Variants in ROBO2 observed in about 807,000 individuals in gnomAD.
ROBO2 encodes roundabout homolog 2.
Under a neutral mutation model 160.8 loss-of-function variants are expected in ROBO2, and 53 were observed. The ratio of observed to expected loss-of-function variants is 0.33; its 90% CI spans 0.26 to 0.41. The LOEUF (loss-of-function observed/expected upper bound fraction) is 0.41, where lower values mean the gene tolerates loss of function less well. ROBO2 is among the 10% of genes least tolerant of loss of function. The pLI is 1.00. For missense variants in ROBO2, 1,577 were observed against 1,722.4 expected (o/e 0.92, Z 1.49); for synonymous variants, 664 against 611.7 (o/e 1.09, Z -1.26).
At chr3:77,171,031 G>A (rs2079582652) in intron 2 of ROBO2, among the ~76,000 whole-genome samples, 1 of 152,132 alleles carries the variant, frequency 6.6e-6, no homozygotes, top group South Asian at 2.1e-4. Flanking sequence ...GTTCAGGGAT[G>A]TGCCGGTGAG....
intron 2 of ROBO2, among the ~76,000 whole-genome samples, chr3:76,142,650 T>G (rs2071719379): frequency 6.6e-6 from 1 of 151,880 alleles, no homozygotes; most frequent in Admixed American, 6.6e-5. Flanking sequence ...AGAAGGATGG[T>G]TACCAGAGGC....
chr3:76,851,708 GT>G (rs2148540691), intron 2 of ROBO2, among the ~76,000 whole-genome samples: 1 of 125,766 alleles, frequency 8.0e-6, no homozygotes, highest in African/African-American at 3.3e-5. Flanking sequence ...GCAGTCCGCA[GT>G]CCGAGGTGGG....
At chr3:77,229,174 C>A (rs1017664662) in intron 2 of ROBO2, among the ~76,000 whole-genome samples, 3 of 152,062 alleles carry the variant, frequency 2.0e-5, no homozygotes, top group African/African-American at 7.2e-5. Flanking sequence ...GGAGATGGGA[C>A]TCAATGTTAT....
chr3:76,261,565 G>A (rs1355935008), intron 2 of ROBO2, among the ~76,000 whole-genome samples: 1 of 151,708 alleles, frequency 6.6e-6, no homozygotes, highest in Non-Finnish European at 1.5e-5. Flanking sequence ...TTGACTCTAA[G>A]GGATGAAATA....
Position 76,810,265 on chromosome 3 carries a change from A to T in ROBO2, c.110-287749A>T, listed in dbSNP as rs1212178436. On this transcript the variant is annotated intron_variant, in intron 2 of 26. Transcript: ENST00000487694. ...AACAAGGCAGTCAACGTCCTAAGGA[A>T]TTCAGTAACACGGAGGAAGGTCACA... is the stretch of plus-strand genomic sequence containing the variant. Among the ~76,000 whole-genome samples the T allele has an allele frequency of 2.0e-5, 3 of 152,136 alleles. No individual in the cohort carries two copies. The East Asian group carries it at 5.8e-4, about 29-fold the overall frequency.
At chr3:76,736,213 C>T (rs553795373) in intron 2 of ROBO2, among the ~76,000 whole-genome samples, 10 of 151,274 alleles carry the variant, frequency 6.6e-5, no homozygotes, top group Middle Eastern at 6.8e-3. Context: ...ACCCGGGAGG[C>T]GGAGCTTGCA....
intron 23 of ROBO2, among the ~76,000 whole-genome samples, chr3:77,624,332 A>G (rs2094961118): frequency 6.6e-6 from 1 of 151,938 alleles, no homozygotes; most frequent in South Asian, 2.1e-4. Context: ...TGTGTGTGTG[A>G]GAGAGTATGT....
At chr3:76,980,327 T>C (rs2060032393) in intron 2 of ROBO2, among the ~76,000 whole-genome samples, 1 of 152,170 alleles carries the variant, frequency 6.6e-6, no homozygotes, top group Non-Finnish European at 1.5e-5. Flanking sequence ...CCTAAATCTT[T>C]AGAAATAGTG....
chr3:76,680,139 T>G (rs934433808), intron 2 of ROBO2, among the ~76,000 whole-genome samples: 2 of 152,156 alleles, frequency 1.3e-5, no homozygotes, highest in Non-Finnish European at 2.9e-5. Flanking sequence ...CCTCAAATTC[T>G]TTACGTGAAA....
intron 2 of ROBO2, among the ~76,000 whole-genome samples, chr3:76,775,819 T>C (rs1257699843): frequency 6.6e-6 from 1 of 150,806 alleles, no homozygotes; most frequent in Non-Finnish European, 1.5e-5. Flanking sequence ...ATATCTAAAA[T>C]TGGAATAAAA....
intron 2 of ROBO2, among the ~76,000 whole-genome samples, chr3:76,024,155 G>A (rs2107675582): frequency 6.6e-6 from 1 of 151,396 alleles, no homozygotes; most frequent in African/African-American, 2.4e-5. Flanking sequence ...ATCTTAATCT[G>A]TAATATATAT....
chr3:76,575,257 CA>C (rs752566222), intron 2 of ROBO2, among the ~76,000 whole-genome samples: 3 of 151,928 alleles, frequency 2.0e-5, no homozygotes, highest in Non-Finnish European at 4.4e-5. Flanking sequence ...TGCAGTGCAA[CA>C]TGGAAGATGA....
intron 6 of ROBO2, among the ~76,000 whole-genome samples, chr3:77,529,219 A>G (rs1209840250): frequency 1.3e-5 from 2 of 151,278 alleles, no homozygotes; most frequent in African/African-American, 4.8e-5. Flanking sequence ...TATGAAGTGG[A>G]AAGATTGAGA....
At chr3:76,616,770 C>T (rs541377151) in intron 2 of ROBO2, among the ~76,000 whole-genome samples, 50 of 152,218 alleles carry the variant, frequency 3.3e-4, no homozygotes, top group African/African-American at 1.1e-3. Flanking sequence ...AAGAGACAGG[C>T]CCTTGCTATG....
intron 2 of ROBO2, among the ~76,000 whole-genome samples, chr3:76,977,962 T>A (rs2059893526): frequency 6.6e-6 from 1 of 152,204 alleles, no homozygotes; most frequent in Non-Finnish European, 1.5e-5. Flanking sequence ...TCCTTACAGA[T>A]TCTTTGCTGA....
intron 2 of ROBO2, among the ~76,000 whole-genome samples, chr3:76,687,548 A>G (rs188643418): frequency 1.2e-4 from 18 of 152,158 alleles, no homozygotes; most frequent in African/African-American, 4.1e-4. Context: ...CGAGAAAGAA[A>G]CGGGCTCAGG....
chr3:77,231,725 C>T (rs961198168), intron 2 of ROBO2, among the ~76,000 whole-genome samples: 2 of 152,248 alleles, frequency 1.3e-5, no homozygotes, highest in South Asian at 2.1e-4. Flanking sequence ...TCAGCCTTCT[C>T]TGGAGTGTTA....
In ROBO2 at chr3:76,888,493, T is replaced by C. The variant is rs140510686; in HGVS notation, c.110-209521T>C. 4.9e-4 allele frequency among the ~76,000 whole-genome samples: 74 copies of C among 152,322 alleles called. No individual in the cohort carries two copies. In the Middle Eastern group the frequency reaches 0.01, roughly 21 times the overall value. On this transcript the variant is annotated intron_variant, in intron 2 of 26. Transcript: ENST00000487694. Reference sequence around the variant, plus strand: ...AGGAATAGATTTATTCTTGCCCATATTGTACCCGTAATAGGCATGAAAATC... The same window carrying C: ...AGGAATAGATTTATTCTTGCCCATACTGTACCCGTAATAGGCATGAAAATC...
chr3:77,203,960 A>G (rs2083166984), intron 2 of ROBO2, among the ~76,000 whole-genome samples: 2 of 152,212 alleles, frequency 1.3e-5, no homozygotes, highest in Non-Finnish European at 2.9e-5. Context: ...AATAAAAGTA[A>G]GGCCTCTCTT....
Sources: allele counts gnomAD v4.1 joint callset (sites outside exome capture counted in the v4.1 genomes callset), GRCh38; gene constraint gnomAD v4.1.1; transcripts MANE v1.5; gene names NCBI Gene and HGNC (gene_info 2026-07-23, HGNC 2026-07-21).